Variants in FAM83G observed in about 807,000 individuals in gnomAD.
FAM83G encodes the protein protein FAM83G.
In FAM83G, 38 loss-of-function variants were observed where a neutral mutation model predicts 61.5. That is an observed-to-expected ratio of 0.62 (90% CI 0.48 to 0.81). The LOEUF is 0.81. Among genes scored for constraint, FAM83G ranks in the 30% least tolerant of loss-of-function variants. The pLI is 0.00. For synonymous variants in FAM83G, 470 were observed against 476.1 expected, an observed-to-expected ratio of 0.99 and a Z score of 0.17; for missense variants, 989 against 1,133.6, an observed-to-expected ratio of 0.87 and a Z score of 1.83.
rs2043806649 is a variant in FAM83G, at chr17:19,003,944, A to C, written c.98T>G (p.Leu33Arg). Reference sequence around the variant, plus strand: ...GCGGGCCACCAGGGCCTCCAGCGCCAGCCGCTGCTCCTCGCTGTAGAAGAA... The same window carrying C: ...GCGGGCCACCAGGGCCTCCAGCGCCCGCCGCTGCTCCTCGCTGTAGAAGAA... ...PEFFYSEEQR[L>R]ALEALVARGR... The change falls in exon 2 of 6, where the codon CTG (leucine) becomes CGG (arginine). Residue 33 changes from leucine to arginine, a missense_variant. By Grantham distance (102) the Leu-to-Arg change is moderately radical. Coordinates refer to ENST00000388995, the MANE Select transcript of FAM83G (RefSeq NM_001039999.3). The surrounding 1 kb of genome is among the most constrained non-coding windows in gnomAD (Gnocchi z 4.5). 2.5e-6 allele frequency: 4 copies of C among 1,612,952 alleles called. No individual in the cohort carries two copies. The highest frequency in any genetic ancestry group is 3.4e-6 in the Non-Finnish European group (4 of 1,179,932).
chr17:18,984,569 A>G (rs563536117), intron 3 of FAM83G, among the ~76,000 whole-genome samples: 1 of 152,304 alleles, frequency 6.6e-6, no homozygotes, highest in African/African-American at 2.4e-5. Context: ...GTTCATCAGA[A>G]ACGGGAAACG....
At chr17:18,989,514 G>A (rs1444908089) in intron 2 of FAM83G, among the ~76,000 whole-genome samples, 5 of 152,204 alleles carry the variant, frequency 3.3e-5, no homozygotes, top group African/African-American at 9.6e-5. Context: ...TACCTGCCCT[G>A]CCTCAAACTC....
Position 18,969,818 on chromosome 17 carries a change from A to C in FAM83G, c.*1541T>G. On this transcript the variant is annotated 3_prime_UTR_variant, in exon 6 of 6. Coordinates refer to ENST00000388995, the MANE Select transcript of FAM83G (RefSeq NM_001039999.3). ...CCAATTGTTTAAAAGCATGTACAAAATGCCAAGAGGTGATGCTACCTCCTG... is the reference window on the plus strand; with the variant it reads ...CCAATTGTTTAAAAGCATGTACAAACTGCCAAGAGGTGATGCTACCTCCTG... The C allele has an allele frequency of 5.4e-6, 1 of 185,530 alleles. No homozygotes were observed. The highest frequency in any genetic ancestry group is 1.4e-4 in the East Asian group (1 of 7,228). The allele number at this position is 185,530 out of a possible 1,614,324, so 11.5% of individuals were successfully genotyped here.
At chr17:18,984,904 A>T (rs1054919052) in intron 3 of FAM83G, among the ~76,000 whole-genome samples, 1 of 152,254 alleles carries the variant, frequency 6.6e-6, no homozygotes, top group African/African-American at 2.4e-5. Flanking sequence ...CGGCCAGGGC[A>T]ACCGGCTGAG....
chr17:18,991,706 C>T (rs150486114), intron 2 of FAM83G, among the ~76,000 whole-genome samples: 2 of 152,184 alleles, frequency 1.3e-5, no homozygotes, highest in African/African-American at 4.8e-5. Flanking sequence ...CCCCAGGTAC[C>T]GTTGTCAAAG....
chr17:18,993,707 A>T (rs2043490997), intron 2 of FAM83G, among the ~76,000 whole-genome samples: 1 of 152,098 alleles, frequency 6.6e-6, no homozygotes, highest in Non-Finnish European at 1.5e-5. Context: ...GGGTGGACAG[A>T]GTCTCTCATC....
chr17:19,005,648 C>CCG (rs2043864948), upstream of FAM83G, among the ~76,000 whole-genome samples: 1 of 129,068 alleles, frequency 7.7e-6, no homozygotes, highest in South Asian at 4.4e-4. Flanking sequence ...TGCCCTCAAA[C>CCG]CCCCCCCCTC....
In FAM83G at chr17:18,971,268, G is replaced by A. The variant is rs778146294; in HGVS notation, c.*91C>T. The A allele has an allele frequency of 3.1e-6, 5 of 1,611,634 alleles. No homozygotes were observed. Among genetic ancestry groups the A allele is most frequent in the East Asian group, 2.2e-5 (1 of 44,826 alleles). ...TCCCACCTTCCTGCCGTCCCAGTGG[G>A]CTCTGGTAGGCCCAGGCGGCCTGTC... is the stretch of plus-strand genomic sequence containing the variant. On this transcript the variant is annotated 3_prime_UTR_variant, in exon 6 of 6. Transcript: ENST00000388995. The surrounding 1 kb of genome is among the most constrained non-coding windows in gnomAD (Gnocchi z 5.5).
At chr17:18,994,384 T>C (rs537368994) in intron 2 of FAM83G, among the ~76,000 whole-genome samples, 51 of 152,084 alleles carry the variant, frequency 3.4e-4, no homozygotes, top group Middle Eastern at 3.4e-3. Context: ...GGAGACAGGG[T>C]TCACTCTGAG....
intron 5 of FAM83G, chr17:18,977,091 G>A (rs1281413082): frequency 6.6e-7 from 1 of 1,514,048 alleles, no homozygotes; most frequent in Non-Finnish European, 8.9e-7. Flanking sequence ...GGATAGATGT[G>A]AACTGTTCCC....
intron 3 of FAM83G, among the ~76,000 whole-genome samples, chr17:18,980,861 T>C (rs2152012741): frequency 6.6e-6 from 1 of 152,228 alleles, no homozygotes; most frequent in African/African-American, 2.4e-5. Flanking sequence ...ATCTCAGTTT[T>C]AACACCCACT....
Position 18,978,419 on chromosome 17 carries a change from T to G in FAM83G, c.1247A>C (p.Glu416Ala). 1 of 1,593,994 alleles carries G rather than the reference T, an allele frequency of 6.3e-7. No homozygotes were observed. Residue 416 changes from glutamate to alanine, a missense_variant, in exon 5 of 6, where the codon GAG (glutamate) becomes GCG (alanine). Glu to Ala is a moderately radical substitution (Grantham distance 107). Transcript: ENST00000388995. ...NMFEYLPTWV[E>A]PDPEPGSDIL... ...GTCGCTGCCAGGCTCCGGGTCTGGCTCCACCCACGTGGGCAGGTACTCAAA... is the reference window on the plus strand; with the variant it reads ...GTCGCTGCCAGGCTCCGGGTCTGGCGCCACCCACGTGGGCAGGTACTCAAA...
At chr17:18,976,467 T>G in intron 5 of FAM83G, 1 of 178,126 alleles carries the variant, frequency 5.6e-6, no homozygotes, top group Non-Finnish European at 1.2e-5. Context: ...CCTGGCACTA[T>G]AAATGTGCCA....
intron 2 of FAM83G, among the ~76,000 whole-genome samples, chr17:18,991,030 T>C (rs1441679660): frequency 6.6e-6 from 1 of 152,164 alleles, no homozygotes; most frequent in African/African-American, 2.4e-5. Flanking sequence ...ATAAGGAGCC[T>C]TTACAGCTGT....
rs573150826 is a variant in FAM83G, at chr17:18,979,638, G to A, written c.726C>T (p.Phe242=). Residue 242 remains phenylalanine, a synonymous_variant, in exon 4 of 6, where the codon TTC becomes TTT. Transcript: ENST00000388995. ...TGAACTTGGTTGCCGACCGCGTGAA[G>A]AACTCAGTTCCCCCGCTGCTCCGCA... ...LRVRSSGGTE[F]FTRSATKFKG... is the part of the protein sequence containing the mutation. The A allele has an allele frequency of 4.3e-6, 7 of 1,613,548 alleles. No homozygotes were observed. The highest frequency in any genetic ancestry group is 4.0e-5 in the African/African-American group (3 of 75,042).
At position 18,996,283 on chromosome 17, in the gene FAM83G, T is replaced by TC. The variant is rs1567803019; in HGVS notation, c.522+7236dup. Among the ~76,000 whole-genome samples, 1 of 152,046 alleles carries TC rather than the reference T, an allele frequency of 6.6e-6. No homozygotes were observed. The highest frequency in any genetic ancestry group is 2.4e-5 in the African/African-American group (1 of 41,398). ...ACTCCCTCCTCCAGCTGCAACCCCC[T>TC]CCTCCAGCAGCACGGTTGGGACAGA... is the stretch of plus-strand genomic sequence containing the variant. On this transcript the variant is annotated intron_variant, in intron 2 of 5. Transcript: ENST00000388995. The surrounding 1 kb of genome is among the most constrained non-coding windows in gnomAD (Gnocchi z 4.4).
At chr17:18,988,535 A>T (rs1042106744) in intron 2 of FAM83G, 121 bp from the exon 3 acceptor site, 7 of 1,487,664 alleles carry the variant, frequency 4.7e-6, no homozygotes, top group Non-Finnish European at 5.4e-6. Context: ...CTCTGGCCCT[A>T]CTCCTGGAGC....
At chr17:18,979,283 C>T (rs2043068808) in intron 4 of FAM83G, 1 of 518,546 alleles carries the variant, frequency 1.9e-6, no homozygotes, top group South Asian at 2.3e-5. Flanking sequence ...CAGAGTGACC[C>T]CCATAGGCTT....
Position 18,971,347 on chromosome 17 carries a change from T to C in FAM83G, c.*12A>G, listed in dbSNP as rs2042841151. On this transcript the variant is annotated 3_prime_UTR_variant, in exon 6 of 6. Coordinates refer to ENST00000388995, the MANE Select transcript of FAM83G (RefSeq NM_001039999.3). This position sits in a 1 kb window ranked among gnomAD's most constrained non-coding sequence, Gnocchi z 5.5. Reference sequence around the variant, plus strand: ...GGCCTCAGAAGGTGTGGCTCCAGGCTGGGACATGCTGCTAGGGGTCTTTGC... The same window carrying C: ...GGCCTCAGAAGGTGTGGCTCCAGGCCGGGACATGCTGCTAGGGGTCTTTGC... 1 of 1,599,284 alleles carries C rather than the reference T, an allele frequency of 6.3e-7. No homozygotes were observed. Among genetic ancestry groups the C allele is most frequent in the East Asian group, 2.3e-5 (1 of 44,428 alleles).
Sources: allele counts gnomAD v4.1 joint callset (sites outside exome capture counted in the v4.1 genomes callset), GRCh38; gene constraint gnomAD v4.1.1; non-coding constraint Gnocchi (gnomAD v3.1); transcripts MANE v1.5; gene names NCBI Gene and HGNC (gene_info 2026-07-23, HGNC 2026-07-21).